The following ADRA1B variants were observed in gnomAD, a reference collection of about 807,000 sequenced individuals.
The protein encoded by ADRA1B is adrenoceptor alpha 1B.
Under a neutral mutation model 17.9 loss-of-function variants are expected in ADRA1B, and 17 were observed. That is an observed-to-expected ratio of 0.95 (90% CI 0.65 to 1.42). The LOEUF (loss-of-function observed/expected upper bound fraction) is 1.42, where lower values mean the gene tolerates loss of function less well. ADRA1B is among the 40% of genes most tolerant of loss of function. The pLI is 0.00. For missense variants in ADRA1B, 681 were observed against 722.1 expected (o/e 0.94, Z 0.65); for synonymous variants, 366 against 327.6 (o/e 1.12, Z -1.27).
At chr5:159,960,759 G>T (rs1755651911) in intron 1 of ADRA1B, among the ~76,000 whole-genome samples, 1 of 150,506 alleles carries the variant, frequency 6.6e-6, no homozygotes, top group African/African-American at 2.4e-5. Flanking sequence ...CAGAGATTCT[G>T]CATTTCTAAC....
At chr5:159,936,546 A>G (rs1036495827) in intron 1 of ADRA1B, among the ~76,000 whole-genome samples, 2 of 152,166 alleles carry the variant, frequency 1.3e-5, no homozygotes, top group African/African-American at 4.8e-5. Flanking sequence ...GTAAACTTTC[A>G]GACTGATAGA....
intron 1 of ADRA1B, among the ~76,000 whole-genome samples, chr5:159,906,795 T>C (rs1174498101): frequency 6.6e-6 from 1 of 152,206 alleles, no homozygotes; most frequent in Non-Finnish European, 1.5e-5. Context: ...CTGGAGATGA[T>C]CCATCTGTTT....
intron 1 of ADRA1B, chr5:159,948,366 ACT>A (rs1485851866): frequency 3.0e-6 from 3 of 985,332 alleles, no homozygotes; most frequent in Non-Finnish European, 1.2e-6. Flanking sequence ...AGAAAATATA[ACT>A]CTCATTTCAA....
At chr5:159,939,631 T>C (rs1005314309) in intron 1 of ADRA1B, among the ~76,000 whole-genome samples, 3 of 152,184 alleles carry the variant, frequency 2.0e-5, no homozygotes, top group Admixed American at 2.0e-4. Context: ...CTCTCATTTT[T>C]TCTGCCTGTA....
At chr5:159,912,933 G>A (rs1484069772), upstream of ADRA1B, among the ~76,000 whole-genome samples, 1 of 152,172 alleles carries the variant, frequency 6.6e-6, no homozygotes, top group Non-Finnish European at 1.5e-5. Flanking sequence ...TTCACCCACG[G>A]TACTTAGCAT....
At position 159,963,288 on chromosome 5, in the gene ADRA1B, G is replaced by GTATA. The variant is rs10522262; in HGVS notation, c.950-8573_950-8570dup. ...ACTTGACAGTGAATAAACAAAAAAA[G>GTATA]TATATATATATATATATATATCCAC... On this transcript the variant is annotated intron_variant, in intron 1 of 1. Coordinates refer to ENST00000306675, the MANE Select transcript of ADRA1B (RefSeq NM_000679.4). Among the ~76,000 whole-genome samples, 293 of 132,706 alleles carry GTATA rather than the reference G, an allele frequency of 2.2e-3. 4 individuals carry two copies. The highest frequency in any genetic ancestry group is 5.8e-3 in the East Asian group (26 of 4,492). 87.1% of individuals were successfully genotyped at this position (132,706 alleles called of 152,430 possible).
At chr5:159,960,020 T>C (rs994721340) in intron 1 of ADRA1B, among the ~76,000 whole-genome samples, 4 of 152,184 alleles carry the variant, frequency 2.6e-5, no homozygotes, top group Admixed American at 2.6e-4. Context: ...TCCACATTTG[T>C]AAATTGGGAG....
In ADRA1B at chr5:159,972,321, C is replaced by G; in HGVS notation, c.1392C>G (p.Arg464=). The part of the protein sequence containing the change: ...LSLPAPEPPG[R]RGRHDSGPLF... ...TGCCCGCGCCTGAGCCCCCCGGCCG[C>G]CGCGGCCGCCACGACTCGGGCCCGC... The change falls in exon 2 of 2, where the codon CGC becomes CGG. Residue 464 remains arginine (R), a synonymous_variant. Coordinates refer to ENST00000306675, the MANE Select transcript of ADRA1B (RefSeq NM_000679.4). 7.0e-7 allele frequency: 1 copy of G among 1,436,602 alleles called. No homozygotes were observed. The highest frequency in any genetic ancestry group is 3.0e-5 in the East Asian group (1 of 32,940). The allele number at this position is 1,436,602 out of a possible 1,614,324, so 89.0% of individuals were successfully genotyped here. A position where few individuals can be genotyped will look rare whatever the true frequency, so the allele number is the denominator to read the frequency against.
Position 159,972,152 on chromosome 5 carries a change from A to G in ADRA1B, c.1223A>G (p.Asp408Gly). Reference protein sequence around the residue: ...ERSQSRKDSLDDSGSCLSGSQ... With the variant: ...ERSQSRKDSLGDSGSCLSGSQ... ...TCGCAGTCGCGCAAGGACTCGCTGGACGACAGCGGCAGCTGCCTGAGCGGC... is the reference window on the plus strand; with the variant it reads ...TCGCAGTCGCGCAAGGACTCGCTGGGCGACAGCGGCAGCTGCCTGAGCGGC... The change falls in exon 2 of 2, where the codon GAC (aspartate) becomes GGC (glycine). Residue 408 changes from aspartate (D) to glycine (G), a missense_variant. Physicochemically the swap from Asp to Gly is moderately conservative, Grantham distance 94. Around this residue, in one of 3 missense-constraint regions of ADRA1B, gnomAD observed 251 missense variants for 224.9 expected, o/e 1.12. Coordinates refer to ENST00000306675, the MANE Select transcript of ADRA1B (RefSeq NM_000679.4). The G allele has an allele frequency of 1.5e-6, 2 of 1,360,106 alleles. No individual in the cohort carries two copies. Among genetic ancestry groups the G allele is most frequent in the Non-Finnish European group, 1.9e-6 (2 of 1,046,628 alleles). The allele number at this position is 1,360,106 out of a possible 1,614,324, so 84.3% of individuals were successfully genotyped here.
At chr5:159,884,827 A>G (rs1753906093) in intron 1 of ADRA1B, among the ~76,000 whole-genome samples, 1 of 152,246 alleles carries the variant, frequency 6.6e-6, no homozygotes, top group Non-Finnish European at 1.5e-5. Context: ...GCCATCTTGA[A>G]TAGAGAAAGG....
intron 1 of ADRA1B, among the ~76,000 whole-genome samples, chr5:159,952,692 G>T (rs1755468212): frequency 1.3e-5 from 2 of 152,008 alleles, no homozygotes; most frequent in Non-Finnish European, 2.9e-5. Flanking sequence ...GCATGTTAGG[G>T]GTTATTACAG....
In ADRA1B at chr5:159,905,553, C is replaced by T. The variant is rs1369061462; in HGVS notation, c.-255-10566C>T. Among the ~76,000 whole-genome samples the T allele has an allele frequency of 2.0e-5, 3 of 152,316 alleles. No homozygotes were observed. In the East Asian group the frequency reaches 5.8e-4, roughly 29 times the overall value. On this transcript the variant is annotated intron_variant, in intron 1 of 2. Coordinates refer to the ADRA1B transcript ENST00000641205. Reference sequence around the variant, plus strand: ...AAATATTTACTGAGCACTTACTAACCATTAGACAATGCACTAGTCCCTTGG... The same window carrying T: ...AAATATTTACTGAGCACTTACTAACTATTAGACAATGCACTAGTCCCTTGG...
chr5:159,867,206 C>G (rs2113061072), intron 1 of ADRA1B, among the ~76,000 whole-genome samples: 1 of 152,308 alleles, frequency 6.6e-6, no homozygotes, highest in South Asian at 2.1e-4. Flanking sequence ...GCCTTGAACC[C>G]TGAATTCTAC....
intron 1 of ADRA1B, among the ~76,000 whole-genome samples, chr5:159,911,254 A>T (rs925000563): frequency 6.6e-6 from 1 of 151,722 alleles, no homozygotes. Flanking sequence ...GGCAGCACAC[A>T]CTCCCCTTCA....
chr5:159,951,952 G>A (rs1010210322), intron 1 of ADRA1B, among the ~76,000 whole-genome samples: 7 of 152,092 alleles, frequency 4.6e-5, no homozygotes, highest in Admixed American at 3.9e-4. Context: ...CTTCTTGGAG[G>A]CCCAGAACTG....
chr5:159,935,169 G>A (rs992651212), intron 1 of ADRA1B, among the ~76,000 whole-genome samples: 5 of 152,080 alleles, frequency 3.3e-5, no homozygotes, highest in African/African-American at 1.2e-4. Context: ...CTGAATAGTC[G>A]GGAAAATTGT....
chr5:159,923,753 A>C (rs916806702), intron 1 of ADRA1B, among the ~76,000 whole-genome samples: 17 of 152,400 alleles, frequency 1.1e-4, no homozygotes, highest in African/African-American at 4.1e-4. Flanking sequence ...TTTTAAAAGA[A>C]TAGATCCTTG....
chr5:159,919,400 G>A (rs143076887), intron 1 of ADRA1B, among the ~76,000 whole-genome samples: 175 of 152,318 alleles, frequency 1.1e-3, no homozygotes, highest in African/African-American at 4.1e-3. Context: ...AGCTGATGGA[G>A]GTGATTTGGC....
intron 1 of ADRA1B, among the ~76,000 whole-genome samples, chr5:159,883,001 T>TC (rs1350875352): frequency 2.0e-5 from 3 of 152,156 alleles, no homozygotes; most frequent in South Asian, 2.1e-4. Context: ...CTGGATAAGC[T>TC]CAGTTCACAT....
Sources: allele counts gnomAD v4.1 joint callset (sites outside exome capture counted in the v4.1 genomes callset), GRCh38; gene constraint gnomAD v4.1.1; regional missense constraint gnomAD v4.1.1; transcripts MANE v1.5; gene names NCBI Gene and HGNC (gene_info 2026-07-23, HGNC 2026-07-21).